The following TSKS variants were observed in gnomAD, a reference collection of about 807,000 sequenced individuals.
TSKS encodes the protein testis-specific serine kinase substrate.
In TSKS, 27 loss-of-function variants were observed where a neutral mutation model predicts 68.0. That is an observed-to-expected ratio of 0.40 (90% confidence interval 0.29 to 0.55). The LOEUF (loss-of-function observed/expected upper bound fraction) is 0.55. Ranked by LOEUF, TSKS falls within the 20% of genes least tolerant of loss-of-function variation. The probability of loss-of-function intolerance (pLI) is 0.53; values close to 1 mark genes in which losing one functional copy is unlikely to be tolerated. For synonymous variants in TSKS, 331 were observed against 340.4 expected (o/e 0.97, Z 0.30); for missense variants, 806 against 776.0 (o/e 1.04, Z -0.46).
intron 8 of TSKS, 54 bp downstream of exon 8, chr19:49,744,177 T>A: frequency 6.4e-7 from 1 of 1,565,668 alleles, no homozygotes; most frequent in Non-Finnish European, 8.7e-7. Flanking sequence ...TCCTTCCGCA[T>A]CTCCTTTAAT....
At chr19:49,740,011 T>C in intron 10 of TSKS, 48 bp downstream of exon 10, 1 of 1,612,580 alleles carries the variant, frequency 6.2e-7, no homozygotes, top group Non-Finnish European at 8.5e-7. Context: ...ATCAGGCCCT[T>C]TCCCCAAGAT....
At chr19:49,751,263 C>T (rs1319016978) in intron 2 of TSKS, among the ~76,000 whole-genome samples, 2 of 136,856 alleles carry the variant, frequency 1.5e-5, no homozygotes, top group South Asian at 2.4e-4. Flanking sequence ...TAGATGGCGC[C>T]ATTGCACTCC....
rs867919180 is a variant in TSKS, at chr19:49,748,415, C to T, written c.454G>A (p.Glu152Lys). Residue 152 changes from glutamate to lysine, a missense_variant, in exon 3 of 11, where the codon GAA becomes AAA. Physicochemically the swap from Glu to Lys is moderately conservative, Grantham distance 56 (BLOSUM62 1). Transcript: ENST00000246801. ...RAKDSITSLK[E>K]KTNRVNQHVQ... ...TGCTGGTTAACCCGGTTGGTCTTTTCCTTCAAGCTGGTGATGGAGTCTTTG... is the reference window on the plus strand; with the variant it reads ...TGCTGGTTAACCCGGTTGGTCTTTTTCTTCAAGCTGGTGATGGAGTCTTTG... 6.2e-7 allele frequency: 1 copy of T among 1,614,222 alleles called. No homozygotes were observed. The highest frequency in any genetic ancestry group is 1.1e-5 in the South Asian group (1 of 91,092).
chr19:49,748,821 C>G (rs568342578), intron 2 of TSKS, among the ~76,000 whole-genome samples: 53 of 152,140 alleles, frequency 3.5e-4, no homozygotes, highest in Admixed American at 3.5e-3. Flanking sequence ...AATCCCAGCA[C>G]TTTGGGAGGC....
At position 49,745,253 on chromosome 19, in the gene TSKS, G is replaced by A. The variant is rs775445866; in HGVS notation, c.1136C>T (p.Thr379Met). The A allele has an allele frequency of 1.2e-5, 19 of 1,608,328 alleles. No individual in the cohort carries two copies. Among genetic ancestry groups the A allele is most frequent in the Middle Eastern group, 1.7e-4 (1 of 5,968 alleles). The change falls in exon 7 of 11, where the codon ACG becomes ATG. Residue 379 changes from threonine to methionine, a missense_variant. Thr to Met is a moderately conservative substitution (Grantham distance 81, BLOSUM62 -1). Coordinates refer to ENST00000246801, the MANE Select transcript of TSKS (RefSeq NM_021733.2). ...TCGCAGCTCCTGCAAGTCCCGCGCC[G>A]TCTGTGCCTGTTCGCGCTGTGCCCG... ...WERAQREQAQTARDLQELRGR... is the reference protein window; with the variant it reads ...WERAQREQAQMARDLQELRGR...
At chr19:49,745,701 C>A (rs1216488198) in intron 6 of TSKS, among the ~76,000 whole-genome samples, 1 of 152,144 alleles carries the variant, frequency 6.6e-6, no homozygotes, top group African/African-American at 2.4e-5. Flanking sequence ...CCACCCTACT[C>A]TGCCCCACGT....
intron 2 of TSKS, among the ~76,000 whole-genome samples, chr19:49,751,425 C>T: frequency 6.6e-6 from 1 of 151,644 alleles, no homozygotes; most frequent in East Asian, 1.9e-4. Context: ...CAAAGGCTTG[C>T]AGCAACTCAA....
intron 5 of TSKS, 145 bp from the exon 6 acceptor site, chr19:49,746,943 A>G: frequency 1.4e-6 from 2 of 1,432,290 alleles, no homozygotes; most frequent in South Asian, 1.4e-5. Flanking sequence ...ACTGGCTGTC[A>G]TTAGGGAGGG....
chr19:49,745,253 G>T lies in TSKS; in HGVS notation c.1136C>A (p.Thr379Lys). The T allele has an allele frequency of 2.5e-6, 4 of 1,608,328 alleles. No homozygotes were observed. Among genetic ancestry groups the T allele is most frequent in the Non-Finnish European group, 3.4e-6 (4 of 1,179,338 alleles). ...TCGCAGCTCCTGCAAGTCCCGCGCCGTCTGTGCCTGTTCGCGCTGTGCCCG... is the reference window on the plus strand; with the variant it reads ...TCGCAGCTCCTGCAAGTCCCGCGCCTTCTGTGCCTGTTCGCGCTGTGCCCG... ...WERAQREQAQTARDLQELRGR... is the reference protein window; with the variant it reads ...WERAQREQAQKARDLQELRGR... The change falls in exon 7 of 11, where the codon ACG becomes AAG. Residue 379 changes from threonine (T) to lysine (K), a missense_variant. Coordinates refer to ENST00000246801, the MANE Select transcript of TSKS (RefSeq NM_021733.2).
In TSKS at chr19:49,750,103, A is replaced by G. The variant is rs549515716; in HGVS notation, c.400-1634T>C. Among the ~76,000 whole-genome samples, 7 of 152,260 alleles carry G rather than the reference A, an allele frequency of 4.6e-5. No individual in the cohort carries two copies. The East Asian group carries it at 1.4e-3, about 29-fold the overall frequency. On this transcript the variant is annotated intron_variant, in intron 2 of 10. Transcript: ENST00000246801. ...CAGATAGAGGACACAATGAAACAGA[A>G]GAAGCCTGAATCCTTGACATGGAGC...
At chr19:49,747,857 C>T (rs921119436) in intron 4 of TSKS, among the ~76,000 whole-genome samples, 4 of 152,206 alleles carry the variant, frequency 2.6e-5, no homozygotes, top group East Asian at 1.9e-4. Flanking sequence ...TACAGGCGCC[C>T]GCCACCACAC....
chr19:49,741,178 A>AAAAC (rs565532199), intron 9 of TSKS, among the ~76,000 whole-genome samples: 57 of 151,966 alleles, frequency 3.8e-4, no homozygotes, highest in African/African-American at 9.9e-4. Context: ...ACTCCATCTC[A>AAAAC]AAACAAACAA....
chr19:49,753,567 TA>T (rs2084368430), intron 2 of TSKS, among the ~76,000 whole-genome samples: 1 of 143,174 alleles, frequency 7.0e-6, no homozygotes, highest in South Asian at 2.2e-4. Flanking sequence ...ATCTCAATAA[TA>T]ATAATAATAA....
chr19:49,751,899 CAAAAA>C (rs61310693), intron 2 of TSKS, among the ~76,000 whole-genome samples: 7 of 41,676 alleles, frequency 1.7e-4, no homozygotes, highest in African/African-American at 4.5e-4. Flanking sequence ...CCCAACTCTA[CAAAAA>C]AAAAAAAAAA....
rs772845135 is a variant in TSKS, at chr19:49,740,114, G to C, written c.1567C>G (p.Gln523Glu). 1 of 1,614,116 alleles carries C rather than the reference G, an allele frequency of 6.2e-7. No homozygotes were observed. Among genetic ancestry groups the C allele is most frequent in the East Asian group, 2.2e-5 (1 of 44,878 alleles). The change falls in exon 10 of 11, where the codon CAA becomes GAA. Residue 523 changes from glutamine to glutamate, a missense_variant. By Grantham distance (29) the Gln-to-Glu change is conservative. Coordinates refer to ENST00000246801, the MANE Select transcript of TSKS (RefSeq NM_021733.2). ...TTCTTGGCCCGCAGGGCCTCGTCTT[G>C]GGCCAGCCGAAGGGTGGAGCTCAGG... ...EALSSTLRLA[Q>E]DEALRAKNLL...
At chr19:49,754,480 T>C (rs1190369921) in intron 2 of TSKS, among the ~76,000 whole-genome samples, 1 of 151,006 alleles carries the variant, frequency 6.6e-6, no homozygotes, top group Non-Finnish European at 1.5e-5. Flanking sequence ...GCCCGGGTGA[T>C]AGAGTGAGAC....
intron 2 of TSKS, among the ~76,000 whole-genome samples, 165 bp from the exon 3 acceptor site, chr19:49,748,634 C>T (rs763298824): frequency 1.4e-4 from 21 of 152,132 alleles, no homozygotes; most frequent in African/African-American, 1.9e-4. Flanking sequence ...AGCATTCCTG[C>T]GCGGCAAACC....
Position 49,748,137 on chromosome 19 carries a change from TC to T in TSKS, c.526del (p.Glu176ArgfsTer24), listed in dbSNP as rs1369535118. The T allele has an allele frequency of 1.2e-6, 2 of 1,614,134 alleles. No individual in the cohort carries two copies. Among genetic ancestry groups the T allele is most frequent in the South Asian group, 2.2e-5 (2 of 91,082 alleles). ...SECSVLSENLERRRQEAEELE... is the reference protein window; with the variant it reads ...SECSVLSENLXRRRQEAEELE... ...CTCTTCTGCCTCTTGCCGCCTTCTC[TC>T]CAGATTCTCGCTCAGCACAGAACAC... On this transcript the variant is annotated frameshift_variant, in exon 4 of 11. Coordinates refer to ENST00000246801, the MANE Select transcript of TSKS (RefSeq NM_021733.2). LOFTEE classifies it high-confidence loss of function.
rs186980763 is a variant in TSKS at position 49,762,430 on chromosome 19, T to A, written c.171-198A>T. ...TCTTTCTTTTTTCTTTCTTTCTTTT[T>A]TTTTTTTTTTTGAGACAGAGTCTCA... On this transcript the variant is annotated intron_variant, in intron 1 of 10. Transcript: ENST00000246801. Among the ~76,000 whole-genome samples, 1,270 of 149,546 alleles carry A rather than the reference T, an allele frequency of 8.5e-3. 12 individuals carry two copies. Among genetic ancestry groups the A allele is most frequent in the African/African-American group, 0.029 (1,188 of 40,920 alleles).
Sources: allele counts gnomAD v4.1 joint callset (sites outside exome capture counted in the v4.1 genomes callset), GRCh38; gene constraint gnomAD v4.1.1; transcripts MANE v1.5; gene names NCBI Gene and HGNC (gene_info 2026-07-23, HGNC 2026-07-21).